Variants in STAC observed in about 807,000 individuals in gnomAD.
STAC encodes SH3 and cysteine-rich domain-containing protein.
In STAC, 43 loss-of-function variants were observed where a neutral mutation model predicts 48.8. The observed-to-expected ratio is 0.88, with a 90% CI of 0.69 to 1.14. STAC has a LOEUF of 1.14. Among genes scored for constraint, STAC ranks in the 50% most tolerant of loss-of-function variants. STAC has a pLI of 0.00. For missense variants in STAC, 497 were observed against 504.0 expected (o/e 0.99, Z 0.13); for synonymous variants, 193 against 179.5 (o/e 1.07, Z -0.60).
At chr3:36,486,710 CA>C (rs148037448) in intron 5 of STAC, among the ~76,000 whole-genome samples, 2,664 of 152,306 alleles carry the variant, frequency 0.017, 20 homozygotes, top group Non-Finnish European at 0.021. Flanking sequence ...TGATTGCACA[CA>C]AAAACTGCAC....
intron 1 of STAC, among the ~76,000 whole-genome samples, chr3:36,442,429 A>G (rs921956833): frequency 1.3e-5 from 2 of 152,184 alleles, no homozygotes; most frequent in Non-Finnish European, 1.5e-5. Flanking sequence ...AGGACTAGGG[A>G]TGAGAAAGCA....
At chr3:36,422,258 T>G (rs1044704900) in intron 1 of STAC, among the ~76,000 whole-genome samples, 2 of 152,124 alleles carry the variant, frequency 1.3e-5, no homozygotes, top group Non-Finnish European at 1.5e-5. Context: ...TTTCCAGGTC[T>G]AGGAAAAAAA....
chr3:36,403,530 T>C (rs961521555), intron 1 of STAC, among the ~76,000 whole-genome samples: 1 of 150,618 alleles, frequency 6.6e-6, no homozygotes, highest in Non-Finnish European at 1.5e-5. Flanking sequence ...ATGTTCAAAT[T>C]GAAAGGACTC....
intron 2 of STAC, among the ~76,000 whole-genome samples, chr3:36,474,082 C>G (rs1210652176): frequency 6.6e-6 from 1 of 152,164 alleles, no homozygotes; most frequent in African/African-American, 2.4e-5. Context: ...AAGGCCTATA[C>G]TGGGCTGTAG....
intron 6 of STAC, among the ~76,000 whole-genome samples, chr3:36,495,197 T>C (rs558451121): frequency 1.1e-4 from 16 of 152,178 alleles, no homozygotes; most frequent in Non-Finnish European, 2.2e-4. Flanking sequence ...ACCAAATCCA[T>C]AGGGTTCTTA....
chr3:36,503,050 G>C (rs1698316135), intron 6 of STAC, among the ~76,000 whole-genome samples: 1 of 152,172 alleles, frequency 6.6e-6, no homozygotes, highest in South Asian at 2.1e-4. Flanking sequence ...AGTAAAGACT[G>C]TCAGTGCACT....
chr3:36,424,074 C>T (rs1197421360), intron 1 of STAC, among the ~76,000 whole-genome samples: 2 of 152,084 alleles, frequency 1.3e-5, no homozygotes, highest in African/African-American at 4.8e-5. Context: ...TTCTCCTTGT[C>T]CCCAGCAAAA....
At chr3:36,493,294 G>A in intron 6 of STAC, 65 bp downstream of exon 6, 1 of 1,498,646 alleles carries the variant, frequency 6.7e-7, no homozygotes, top group Non-Finnish European at 9.3e-7. Flanking sequence ...GGCAGGCCAA[G>A]TTGATTTCCA....
At position 36,473,223 on chromosome 3, in the gene STAC, C is replaced by T. The variant is rs565308884; in HGVS notation, c.389-9769C>T. Among the ~76,000 whole-genome samples, 17 of 152,226 alleles carry T rather than the reference C, an allele frequency of 1.1e-4. No homozygotes were observed. In the East Asian group the frequency reaches 2.3e-3, roughly 21 times the overall value. On this transcript the variant is annotated intron_variant, in intron 2 of 10. Coordinates refer to ENST00000273183, the MANE Select transcript of STAC (RefSeq NM_003149.3). The stretch of plus-strand genomic sequence containing the variant: ...AAAGACCGGCTGCATGATTCAATTA[C>T]CTCCCCCTGGGTCCTTCCCACAACA...
chr3:36,540,437 G>A (rs939041541), intron 10 of STAC, among the ~76,000 whole-genome samples: 1 of 152,114 alleles, frequency 6.6e-6, no homozygotes, highest in African/African-American at 2.4e-5. Flanking sequence ...TGTCTAGGTG[G>A]ACCAAATCTA....
intron 8 of STAC, among the ~76,000 whole-genome samples, chr3:36,523,752 G>A (rs914537961): frequency 6.6e-6 from 1 of 152,196 alleles, no homozygotes; most frequent in African/African-American, 2.4e-5. Context: ...TCTAACCTGG[G>A]GAAAGGAGAA....
rs1365607375 is a variant in STAC, at chr3:36,505,716, T to C, written c.832-30T>C. ...TCTCTCAATTTATTTCACCTTTCTT[T>C]TCTCATTTTTCTTTTATTTTCTCTT... is the stretch of plus-strand genomic sequence containing the variant. On this transcript the variant is annotated intron_variant, in intron 7 of 10. Transcript: ENST00000273183. 3 of 1,439,060 alleles carry C rather than the reference T, an allele frequency of 2.1e-6. No homozygotes were observed. The African/African-American group carries it at 4.3e-5, about 20-fold the overall frequency. 89.1% of individuals were successfully genotyped at this position (1,439,060 alleles called of 1,614,324 possible).
chr3:36,414,385 T>G (rs12374083), intron 1 of STAC, among the ~76,000 whole-genome samples: 12,671 of 152,240 alleles, frequency 0.083, 572 homozygotes, highest in African/African-American at 0.12. Flanking sequence ...TTTTTATTCT[T>G]TTTTCTCTAA....
intron 6 of STAC, among the ~76,000 whole-genome samples, chr3:36,498,200 A>C (rs1698193188): frequency 6.6e-6 from 1 of 152,206 alleles, no homozygotes; most frequent in African/African-American, 2.4e-5. Flanking sequence ...TAACAAAGGA[A>C]AAAGAGACTA....
intron 8 of STAC, among the ~76,000 whole-genome samples, chr3:36,520,556 G>A (rs978223340): frequency 5.9e-5 from 9 of 152,120 alleles, no homozygotes; most frequent in Admixed American, 1.3e-4. Flanking sequence ...TTGGTGTCTC[G>A]TTTCTATTCT....
intron 8 of STAC, among the ~76,000 whole-genome samples, chr3:36,526,331 A>G (rs1698935646): frequency 6.6e-6 from 1 of 152,002 alleles, no homozygotes. Flanking sequence ...CTGTTACCCT[A>G]TCCCTTGAGT....
At chr3:36,431,430 C>T (rs1700702161) in intron 1 of STAC, among the ~76,000 whole-genome samples, 1 of 152,180 alleles carries the variant, frequency 6.6e-6, no homozygotes, top group Non-Finnish European at 1.5e-5. Context: ...TGGCATGACT[C>T]CTACCTGAGG....
At chr3:36,467,358 T>C (rs1575219685) in intron 2 of STAC, among the ~76,000 whole-genome samples, 1 of 152,252 alleles carries the variant, frequency 6.6e-6, no homozygotes, top group African/African-American at 2.4e-5. Context: ...TCTGGATTCA[T>C]AGAATGATTT....
intron 2 of STAC, among the ~76,000 whole-genome samples, chr3:36,475,007 G>C (rs988989827): frequency 2.6e-5 from 4 of 152,072 alleles, no homozygotes; most frequent in Non-Finnish European, 5.9e-5. Context: ...GTGTGTGTGT[G>C]TGTGCGCGCG....
Sources: allele counts gnomAD v4.1 joint callset (sites outside exome capture counted in the v4.1 genomes callset), GRCh38; gene constraint gnomAD v4.1.1; transcripts MANE v1.5; gene names NCBI Gene and HGNC (gene_info 2026-07-23, HGNC 2026-07-21).